The following HCFC2 variants were observed in gnomAD, a reference collection of about 807,000 sequenced individuals.
The protein encoded by HCFC2 is host cell factor C2.
A neutral mutation model predicts 89.2 loss-of-function variants in HCFC2; 18 were observed. The observed-to-expected ratio is 0.20, with a 90% CI of 0.14 to 0.30. The LOEUF is 0.30. HCFC2 is among the 10% of genes least tolerant of loss of function. HCFC2 has a pLI of 1.00. For missense variants in HCFC2, 578 were observed against 956.1 expected (o/e 0.60, Z 5.21); for synonymous variants, 308 against 335.7 (o/e 0.92, Z 0.90).
chr12:104,070,019 G>T (rs529890425), intron 3 of HCFC2, among the ~76,000 whole-genome samples: 103 of 152,032 alleles, frequency 6.8e-4, no homozygotes, highest in Non-Finnish European at 1.4e-3. Flanking sequence ...TCCCTGCAAA[G>T]GACATGAACT....
At chr12:104,066,353 A>G in intron 2 of HCFC2, 38 bp downstream of exon 2, 1 of 1,458,300 alleles carries the variant, frequency 6.9e-7, no homozygotes, top group Non-Finnish European at 9.3e-7. Context: ...TGAGGCTTTA[A>G]TAATGATATT....
chr12:104,104,954 C>T lies in HCFC2; in HGVS notation c.*1681C>T, dbSNP rs2136632841. ...TCTGGTTTGTTATCCCAGCAATGCC[C>T]TTGGTGAGAGCTTCATTCTGCATTT... is the stretch of plus-strand genomic sequence containing the variant. On this transcript the variant is annotated 3_prime_UTR_variant, in exon 15 of 15. Transcript: ENST00000229330. 6.6e-6 allele frequency: 1 copy of T among 152,108 alleles called. No homozygotes were observed. The highest frequency in any genetic ancestry group is 2.1e-4 in the South Asian group (1 of 4,830). 9.4% of individuals were successfully genotyped at this position (152,108 alleles called of 1,614,324 possible). A position where few individuals can be genotyped will look rare whatever the true frequency, so the allele number is the denominator to read the frequency against.
At chr12:104,082,125 G>A (rs1343320709) in intron 5 of HCFC2, among the ~76,000 whole-genome samples, 8 of 152,010 alleles carry the variant, frequency 5.3e-5, no homozygotes, top group Admixed American at 2.0e-4. Context: ...AATCCTCTTC[G>A]GTTACTATAT....
intron 3 of HCFC2, among the ~76,000 whole-genome samples, chr12:104,076,916 C>G (rs1883510577): frequency 1.3e-5 from 2 of 152,090 alleles, no homozygotes; most frequent in Non-Finnish European, 2.9e-5. Context: ...CTTGCCTATG[C>G]CAGATTTTTT....
chr12:104,094,904 G>A (rs572251079), intron 10 of HCFC2, among the ~76,000 whole-genome samples: 5 of 152,274 alleles, frequency 3.3e-5, no homozygotes, highest in African/African-American at 1.2e-4. Flanking sequence ...ATGGGACCAA[G>A]AGTACAGGAA....
intron 3 of HCFC2, among the ~76,000 whole-genome samples, chr12:104,071,115 A>G (rs1267528448): frequency 1.3e-5 from 2 of 152,148 alleles, no homozygotes; most frequent in Non-Finnish European, 2.9e-5. Context: ...CAATACTTTT[A>G]CTTTCAACAC....
At chr12:104,100,473 G>A (rs2029903677) in intron 13 of HCFC2, among the ~76,000 whole-genome samples, 1 of 151,952 alleles carries the variant, frequency 6.6e-6, no homozygotes, top group Non-Finnish European at 1.5e-5. Context: ...TACTTGGGAG[G>A]CTGAGGTGGG....
At chr12:104,096,218 T>A (rs1884172025) in intron 11 of HCFC2, 142 bp from the exon 12 acceptor site, 3 of 490,394 alleles carry the variant, frequency 6.1e-6, no homozygotes, top group Admixed American at 6.9e-5. Context: ...TTTATTGTGA[T>A]AAAATACATG....
chr12:104,064,665 G>C lies in HCFC2; in HGVS notation c.105G>C (p.Met35Ile), dbSNP rs1385278764. The C allele has an allele frequency of 6.3e-7, 1 of 1,581,958 alleles. No individual in the cohort carries two copies. ...GAGCGGTGGCCATCCGGGAGCTGAT[G>C]ATCATCTTTGGAGGGGGAAATGAGG... Reference protein sequence around the residue: ...GHRAVAIRELMIIFGGGNEGI... With the variant: ...GHRAVAIRELIIIFGGGNEGI... The change falls in exon 1 of 15, where the codon ATG becomes ATC. Residue 35 changes from methionine to isoleucine, a missense_variant. Physicochemically the swap from Met to Ile is conservative, Grantham distance 10. This residue lies in a region of HCFC2 where 206 missense variants were observed against 419.2 expected (regional missense o/e 0.49). Coordinates refer to ENST00000229330, the MANE Select transcript of HCFC2 (RefSeq NM_013320.3). This position sits in a 1 kb window ranked among gnomAD's most constrained non-coding sequence, Gnocchi z 7.3.
chr12:104,088,632 A>G (rs1361132588), intron 9 of HCFC2, among the ~76,000 whole-genome samples: 2 of 152,176 alleles, frequency 1.3e-5, no homozygotes, highest in Admixed American at 1.3e-4. Flanking sequence ...GACTGTTTTC[A>G]AGGAAATTGA....
chr12:104,098,228 G>A (rs1884231756), intron 12 of HCFC2, 115 bp from the exon 13 acceptor site: 1 of 716,386 alleles, frequency 1.4e-6, no homozygotes, highest in Non-Finnish European at 2.3e-6. Context: ...AGTTGTTAAT[G>A]TTGTGGTGTT....
At chr12:104,080,872 AAAC>A in intron 5 of HCFC2, 42 bp downstream of exon 5, 7 of 1,284,226 alleles carry the variant, frequency 5.5e-6, no homozygotes, top group Non-Finnish European at 7.7e-6. Context: ...TTTTTTAAAA[AAAC>A]AACTTAAGAA....
In HCFC2 at chr12:104,064,629, G is replaced by T. The variant is rs1385925114; in HGVS notation, c.69G>T (p.Arg23=). The change falls in exon 1 of 15, where the codon CGG becomes CGT. Residue 23 remains arginine, a synonymous_variant. Transcript: ENST00000229330. This position sits in a 1 kb window ranked among gnomAD's most constrained non-coding sequence, Gnocchi z 7.3. ...SSFTGPVPRA[R]HGHRAVAIRE... is the part of the protein sequence containing the mutation. Reference sequence around the variant, plus strand: ...TCACGGGGCCGGTCCCCCGCGCCCGGCACGGACACCGAGCGGTGGCCATCC... The same window carrying T: ...TCACGGGGCCGGTCCCCCGCGCCCGTCACGGACACCGAGCGGTGGCCATCC... 2 of 1,579,944 alleles carry T rather than the reference G, an allele frequency of 1.3e-6. No homozygotes were observed. The highest frequency in any genetic ancestry group is 2.8e-5 in the African/African-American group (2 of 71,478).
chr12:104,101,868 T>C, intron 13 of HCFC2, 100 bp from the exon 14 acceptor site: 1 of 698,222 alleles, frequency 1.4e-6, no homozygotes, highest in East Asian at 3.0e-5. Flanking sequence ...CATAATTTAT[T>C]CTTTAAAAGT....
chr12:104,098,287 A>G (rs1884233683), intron 12 of HCFC2, 56 bp from the exon 13 acceptor site: 2 of 1,456,722 alleles, frequency 1.4e-6, no homozygotes, highest in East Asian at 4.6e-5. Flanking sequence ...TTAAATCTTG[A>G]AATTTTTCGT....
At chr12:104,081,833 A>T (rs778799384) in intron 5 of HCFC2, among the ~76,000 whole-genome samples, 6 of 148,822 alleles carry the variant, frequency 4.0e-5, no homozygotes, top group Non-Finnish European at 7.4e-5. Context: ...TGAGCCCAGG[A>T]GGTTGAGTTT....
intron 13 of HCFC2, among the ~76,000 whole-genome samples, chr12:104,099,508 G>A (rs1012910057): frequency 7.9e-5 from 12 of 152,094 alleles, no homozygotes; most frequent in African/African-American, 2.9e-4. Flanking sequence ...GGCTGAGTCA[G>A]GAGGATTGCT....
intron 13 of HCFC2, 26 bp downstream of exon 13, chr12:104,098,506 T>C: frequency 1.3e-6 from 2 of 1,566,706 alleles, no homozygotes; most frequent in Non-Finnish European, 1.7e-6. Context: ...TTTTCTACAT[T>C]GTAAATTATA....
intron 4 of HCFC2, 65 bp downstream of exon 4, chr12:104,079,718 T>G (rs987975146): frequency 1.7e-6 from 2 of 1,202,254 alleles, no homozygotes; most frequent in African/African-American, 3.0e-5. Flanking sequence ...AAAATATTAT[T>G]GATTGCAGTA....
Sources: gnomAD v4.1 joint callset for allele counts (sites outside exome capture counted in the v4.1 genomes callset) on GRCh38, gnomAD v4.1.1 for gene constraint, gnomAD v4.1.1 regional missense constraint, Gnocchi (gnomAD v3.1) non-coding constraint, MANE v1.5 for transcripts, NCBI Gene and HGNC (gene_info 2026-07-23, HGNC 2026-07-21) for gene names.